NRG1: variants seen among roughly 807,000 people sequenced by gnomAD.
The protein encoded by NRG1 is neuregulin 1, also known as pro-neuregulin-1, membrane-bound isoform.
A neutral mutation model predicts 63.8 loss-of-function variants in NRG1; 18 were observed. The observed-to-expected ratio is 0.28, with a 90% confidence interval of 0.19 to 0.42. The LOEUF (loss-of-function observed/expected upper bound fraction) is 0.42, where lower values mean the gene tolerates loss of function less well. NRG1 is among the 10% of genes least tolerant of loss of function. The probability of loss-of-function intolerance (pLI) is 1.00; values close to 1 mark genes in which losing one functional copy is unlikely to be tolerated. For missense variants in NRG1, 762 were observed against 814.7 expected (o/e 0.94, Z 0.79); for synonymous variants, 302 against 301.3 (o/e 1.00, Z -0.02).
intron 1 of NRG1, among the ~76,000 whole-genome samples, chr8:31,954,349 G>A (rs1020085482): frequency 3.9e-5 from 6 of 152,126 alleles, no homozygotes; most frequent in African/African-American, 1.4e-4. Context: ...AGCTTTTACT[G>A]GAGAGAGAGG....
At chr8:32,083,696 A>G (rs1435082519) in intron 1 of NRG1, among the ~76,000 whole-genome samples, 1 of 93,826 alleles carries the variant, frequency 1.1e-5, no homozygotes. Flanking sequence ...ATTTTACATT[A>G]GATAACAGGT....
intron 1 of NRG1, among the ~76,000 whole-genome samples, chr8:32,020,302 T>C (rs1423198343): frequency 6.6e-6 from 1 of 152,238 alleles, no homozygotes; most frequent in East Asian, 1.9e-4. Flanking sequence ...GTTATTATTA[T>C]ATGAAATTCA....
At chr8:31,975,802 T>C (rs1808068121) in intron 1 of NRG1, among the ~76,000 whole-genome samples, 1 of 152,222 alleles carries the variant, frequency 6.6e-6, no homozygotes, top group South Asian at 2.1e-4. Flanking sequence ...TCAGGTTAAG[T>C]GGCCTAAATT....
chr8:32,023,254 C>T lies in NRG1; in HGVS notation c.37+383823C>T, dbSNP rs1472737970. ...TCACACTGTTCTGATTTCCTGGAAA[C>T]GCAGTTCAAGAAATGGCCAAGAGTA... On this transcript the variant is annotated intron_variant, in intron 1 of 10. Transcript: ENST00000519301. 2.6e-5 allele frequency among the ~76,000 whole-genome samples: 4 copies of T among 152,132 alleles called. No individual in the cohort carries two copies. In the East Asian group the frequency reaches 5.8e-4, roughly 22 times the overall value.
chr8:32,241,776 G>A (rs1008312917), intron 1 of NRG1, among the ~76,000 whole-genome samples: 16 of 149,882 alleles, frequency 1.1e-4, no homozygotes, highest in African/African-American at 3.9e-4. Flanking sequence ...TTTTTGAGAC[G>A]GCGTCTTGCT....
intron 1 of NRG1, among the ~76,000 whole-genome samples, chr8:32,066,397 T>C (rs1270106753): frequency 3.9e-5 from 6 of 152,152 alleles, no homozygotes; most frequent in Admixed American, 1.3e-4. Flanking sequence ...TTTCAGCTTT[T>C]TACATATGGC....
intron 1 of NRG1, among the ~76,000 whole-genome samples, chr8:31,734,937 A>G (rs1056405058): frequency 6.6e-6 from 1 of 152,064 alleles, no homozygotes; most frequent in Non-Finnish European, 1.5e-5. Context: ...CCCATGAAAG[A>G]TTAGGTCATC....
At chr8:31,680,143 AT>A (rs1343714746) in intron 1 of NRG1, among the ~76,000 whole-genome samples, 2 of 151,912 alleles carry the variant, frequency 1.3e-5, no homozygotes, top group East Asian at 1.9e-4. Context: ...TTTATTTTTT[AT>A]TTTTTTATTA....
chr8:32,450,298 G>A (rs1450050659), intron 1 of NRG1, among the ~76,000 whole-genome samples: 1 of 152,080 alleles, frequency 6.6e-6, no homozygotes, highest in African/African-American at 2.4e-5. Context: ...CAGCTACTTG[G>A]GAGGCTGAGG....
chr8:32,626,745 G>T (rs1475626161), intron 5 of NRG1, among the ~76,000 whole-genome samples: 2 of 152,020 alleles, frequency 1.3e-5, no homozygotes, highest in South Asian at 2.1e-4. Context: ...TTTTGGCCAG[G>T]TGTGGTGGCT....
intron 1 of NRG1, among the ~76,000 whole-genome samples, chr8:32,311,696 G>T (rs981664015): frequency 2.0e-5 from 3 of 152,142 alleles, no homozygotes; most frequent in South Asian, 2.1e-4. Flanking sequence ...AATCACCAAG[G>T]CTCTGCATGC....
intron 5 of NRG1, among the ~76,000 whole-genome samples, chr8:32,715,007 T>C (rs1818826037): frequency 6.6e-6 from 1 of 152,140 alleles, no homozygotes; most frequent in Non-Finnish European, 1.5e-5. Flanking sequence ...AGGATCTTGC[T>C]CTGTTGCCCA....
intron 1 of NRG1, among the ~76,000 whole-genome samples, chr8:31,873,548 G>T (rs1334001066): frequency 6.6e-6 from 1 of 152,170 alleles, no homozygotes; most frequent in Non-Finnish European, 1.5e-5. Context: ...GACACAGCGA[G>T]ACTCCGTCTG....
chr8:31,843,823 G>A (rs1161177353), intron 1 of NRG1, among the ~76,000 whole-genome samples: 1 of 151,970 alleles, frequency 6.6e-6, no homozygotes, highest in Admixed American at 6.6e-5. Flanking sequence ...ATAGGCTATG[G>A]GGAAAAAAAG....
intron 1 of NRG1, among the ~76,000 whole-genome samples, chr8:32,436,677 C>G (rs747724936): frequency 6.6e-6 from 1 of 152,084 alleles, no homozygotes; most frequent in Non-Finnish European, 1.5e-5. Flanking sequence ...TGTCGTTGGT[C>G]TGTCAAGATG....
At chr8:32,012,104 G>A (rs1814851304) in intron 1 of NRG1, among the ~76,000 whole-genome samples, 2 of 152,050 alleles carry the variant, frequency 1.3e-5, no homozygotes, top group South Asian at 2.1e-4. Flanking sequence ...GATCAGCTTC[G>A]GGAGGAAAGC....
chr8:31,865,204 G>T lies in NRG1; in HGVS notation c.37+225773G>T, dbSNP rs78493077. On this transcript the variant is annotated intron_variant, in intron 1 of 10. Coordinates refer to the NRG1 transcript ENST00000519301. Reference sequence around the variant, plus strand: ...CAGATGACATTTTTATAAATAGTGTGAGGAAACCCCAGAAGTAATGTGAAT... The same window carrying T: ...CAGATGACATTTTTATAAATAGTGTTAGGAAACCCCAGAAGTAATGTGAAT... Among the ~76,000 whole-genome samples the T allele has an allele frequency of 6.9e-4, 105 of 152,186 alleles. 2 individuals carry two copies. The East Asian group carries it at 7.6e-3, about 11-fold the overall frequency.
chr8:32,321,767 T>G (rs910730560), intron 1 of NRG1, among the ~76,000 whole-genome samples: 1 of 152,064 alleles, frequency 6.6e-6, no homozygotes, highest in African/African-American at 2.4e-5. Flanking sequence ...CAAAGTAGCT[T>G]TGCTTTTGAT....
At chr8:32,482,086 G>T (rs1825353752) in intron 1 of NRG1, among the ~76,000 whole-genome samples, 1 of 152,126 alleles carries the variant, frequency 6.6e-6, no homozygotes, top group South Asian at 2.1e-4. Flanking sequence ...AACAGAAGAT[G>T]ACTGGGAACA....
Sources: allele counts gnomAD v4.1 joint callset (sites outside exome capture counted in the v4.1 genomes callset), GRCh38; gene constraint gnomAD v4.1.1; transcripts MANE v1.5; gene names NCBI Gene and HGNC (gene_info 2026-07-23, HGNC 2026-07-21).